Variants in LRRC37A3 observed in about 807,000 individuals in gnomAD.
LRRC37A3 encodes leucine rich repeat containing 37 member A3, also known as leucine-rich repeat-containing protein 37A3.
LRRC37A3 carries 25 observed loss-of-function variants against 106.2 expected under a neutral mutation model. The observed-to-expected ratio is 0.24, with a 90% CI of 0.17 to 0.33. The LOEUF (loss-of-function observed/expected upper bound fraction) is 0.33. LRRC37A3 is among the 10% of genes least tolerant of loss of function. LRRC37A3 has a pLI of 1.00. For synonymous variants in LRRC37A3, 305 were observed against 635.8 expected (o/e 0.48, Z 7.83); for missense variants, 712 against 1,644.9 (o/e 0.43, Z 9.81).
intron 13 of LRRC37A3, among the ~76,000 whole-genome samples, chr17:64,858,568 C>T (rs1972758942): frequency 6.6e-6 from 1 of 152,158 alleles, no homozygotes; most frequent in African/African-American, 2.4e-5. Context: ...AACTTGGTTT[C>T]AATTCACAGA....
At chr17:64,914,073 C>T (rs1457352883) in intron 2 of LRRC37A3, among the ~76,000 whole-genome samples, 2 of 149,864 alleles carry the variant, frequency 1.3e-5, no homozygotes, top group Non-Finnish European at 3.0e-5. Flanking sequence ...TGTTCCCTAA[C>T]CATAATGGAA....
intron 2 of LRRC37A3, among the ~76,000 whole-genome samples, chr17:64,914,096 C>A (rs1974654119): frequency 1.4e-5 from 2 of 147,952 alleles, no homozygotes; most frequent in Non-Finnish European, 1.5e-5. Context: ...AAATTAGAAA[C>A]CAACAACAAA....
chr17:64,868,707 A>C (rs982993179), intron 9 of LRRC37A3, among the ~76,000 whole-genome samples, 171 bp from the exon 10 acceptor site: 1 of 152,202 alleles, frequency 6.6e-6, no homozygotes, highest in Non-Finnish European at 1.5e-5. Flanking sequence ...CATCAAATTA[A>C]TGATACTCAA....
Position 64,868,598 on chromosome 17 carries a change from A to G in LRRC37A3, c.2979-62T>C, listed in dbSNP as rs963675242. 4 of 1,543,850 alleles carry G rather than the reference A, an allele frequency of 2.6e-6. No individual in the cohort carries two copies. The African/African-American group carries it at 4.1e-5, about 16-fold the overall frequency. ...CCAATAAAAAATTCTGTACTTAACA[A>G]TTCAATTTTGGCTTCTCTATTAAAC... On this transcript the variant is annotated intron_variant, in intron 9 of 14. Transcript: ENST00000584306.
At chr17:64,915,464 C>G (rs111508370) in intron 2 of LRRC37A3, among the ~76,000 whole-genome samples, 559 of 137,818 alleles carry the variant, frequency 4.1e-3, no homozygotes, top group Non-Finnish European at 6.5e-3. Context: ...TTTATTGGAA[C>G]AGCTATTATC....
chr17:64,880,429 A>T (rs548269913), intron 8 of LRRC37A3, among the ~76,000 whole-genome samples: 2 of 152,354 alleles, frequency 1.3e-5, no homozygotes, highest in African/African-American at 2.4e-5. Flanking sequence ...GATTAAAGGC[A>T]TGAGCCAGCG....
chr17:64,865,933 C>A (rs1598397696), intron 10 of LRRC37A3, among the ~76,000 whole-genome samples: 1 of 152,206 alleles, frequency 6.6e-6, no homozygotes, highest in Non-Finnish European at 1.5e-5. Context: ...ACTGACAAAT[C>A]TTTGAGACTG....
chr17:64,856,635 G>A (rs1018876895), intron 13 of LRRC37A3, among the ~76,000 whole-genome samples: 12 of 149,524 alleles, frequency 8.0e-5, no homozygotes, highest in Non-Finnish European at 1.5e-4. Flanking sequence ...ACCTGCTGAT[G>A]AAGAGGGCTG....
At chr17:64,858,731 C>A (rs746567523) in intron 13 of LRRC37A3, 48 bp downstream of exon 13, 1 of 1,427,568 alleles carries the variant, frequency 7.0e-7, no homozygotes. Context: ...TGAATCCACA[C>A]AAAGACAGGA....
chr17:64,862,781 T>C (rs1177025100), intron 11 of LRRC37A3, 119 bp downstream of exon 11: 41 of 1,250,556 alleles, frequency 3.3e-5, no homozygotes, highest in Non-Finnish European at 4.6e-5. Context: ...TAACTCTGAA[T>C]GAGTAAATAA....
chr17:64,863,057 G>A lies in LRRC37A3; in HGVS notation c.3054-39C>T, dbSNP rs556974132. The A allele has an allele frequency of 3.4e-5, 55 of 1,597,150 alleles. No homozygotes were observed. The East Asian group carries it at 1.2e-3, about 34-fold the overall frequency. On this transcript the variant is annotated intron_variant, in intron 10 of 14. Coordinates refer to ENST00000584306, the MANE Select transcript of LRRC37A3 (RefSeq NM_199340.5). ...CAGAGAGCAATAAATTAGCGGTAAAGCGGTTACTTGAGTAGGTAAAGGAGG... is the reference window on the plus strand; with the variant it reads ...CAGAGAGCAATAAATTAGCGGTAAAACGGTTACTTGAGTAGGTAAAGGAGG...
Position 64,874,033 on chromosome 17 carries a change from G to A in LRRC37A3, c.2907-4867C>T, listed in dbSNP as rs577967324. Among the ~76,000 whole-genome samples the A allele has an allele frequency of 1.2e-4, 19 of 152,316 alleles. No homozygotes were observed. In the South Asian group the frequency reaches 3.9e-3, roughly 32 times the overall value. ...AAGGCAAAGACAGAATATCTTGAAA[G>A]CAGCAAGAGAAAAGCAACTCATCAC... On this transcript the variant is annotated intron_variant, in intron 8 of 14. Coordinates refer to ENST00000584306, the MANE Select transcript of LRRC37A3 (RefSeq NM_199340.5).
At chr17:64,868,654 A>T in intron 9 of LRRC37A3, 118 bp from the exon 10 acceptor site, 1 of 1,403,640 alleles carries the variant, frequency 7.1e-7, no homozygotes, top group Non-Finnish European at 9.9e-7. Context: ...TTGCTGTAGA[A>T]TTCCAGGGAG....
At chr17:64,904,288 A>G (rs545758163) in intron 2 of LRRC37A3, among the ~76,000 whole-genome samples, 1 of 152,294 alleles carries the variant, frequency 6.6e-6, no homozygotes, top group African/African-American at 2.4e-5. Context: ...GAGACCAGGC[A>G]GGACAACACA....
Position 64,860,431 on chromosome 17 carries a change from G to A in LRRC37A3, c.3715C>T (p.Gln1239Ter). Residue 1239 changes from glutamine to a stop codon, truncating the protein, a stop_gained, in exon 12 of 15, where the codon CAA (glutamine) becomes TAA (stop). Transcript: ENST00000584306. LOFTEE classifies it high-confidence loss of function. ...ACAGAGACTGCTGCCTTATGCTCTT[G>A]GGTGAACGAAGGCTTGGTGTAGACG... ...NAVYTKPSFTQEHKAAVSVLK... is the reference protein window; with the variant it reads ...NAVYTKPSFT The A allele has an allele frequency of 6.2e-7, 1 of 1,613,966 alleles. No homozygotes were observed. The highest frequency in any genetic ancestry group is 8.5e-7 in the Non-Finnish European group (1 of 1,179,862).
rs766675252 is a variant in LRRC37A3 at position 64,860,842 on chromosome 17, C to T, written c.3304G>A (p.Gly1102Ser). 6.2e-7 allele frequency: 1 copy of T among 1,614,124 alleles called. No homozygotes were observed. The highest frequency in any genetic ancestry group is 1.3e-5 in the African/African-American group (1 of 74,952). ...GTGTCTAGCTGCTCACTCCCAAAGC[C>T]TGACAAGTTGATGCCACTGCTGTCT... ...PSDSSGINLSGFGSEQLDTND... is the reference protein window; with the variant it reads ...PSDSSGINLSSFGSEQLDTND... Residue 1102 changes from glycine to serine, a missense_variant, in exon 12 of 15, where the codon GGC (glycine) becomes AGC (serine). Physicochemically the swap from Gly to Ser is moderately conservative, Grantham distance 56. Transcript: ENST00000584306.
intron 10 of LRRC37A3, among the ~76,000 whole-genome samples, chr17:64,867,739 AG>A (rs1973164890): frequency 6.6e-6 from 1 of 151,916 alleles, no homozygotes; most frequent in Non-Finnish European, 1.5e-5. Context: ...CTGTAGTGAT[AG>A]GTGCAACAAC....
At chr17:64,917,452 C>T (rs1052829315) in intron 2 of LRRC37A3, among the ~76,000 whole-genome samples, 4 of 151,730 alleles carry the variant, frequency 2.6e-5, no homozygotes, top group Admixed American at 6.6e-5. Flanking sequence ...TGTGTTCAGA[C>T]AAAAAACATT....
chr17:64,913,983 A>G (rs1974651433), intron 2 of LRRC37A3, among the ~76,000 whole-genome samples: 1 of 152,232 alleles, frequency 6.6e-6, no homozygotes, highest in African/African-American at 2.4e-5. Flanking sequence ...CCTATTACAA[A>G]CTGAACATTG....
Sources: gnomAD v4.1 joint callset for allele counts (sites outside exome capture counted in the v4.1 genomes callset) on GRCh38, gnomAD v4.1.1 for gene constraint, MANE v1.5 for transcripts, NCBI Gene and HGNC (gene_info 2026-07-23, HGNC 2026-07-21) for gene names.